Variants in GAS7 observed in about 807,000 individuals in gnomAD.
GAS7 encodes growth arrest specific 7.
A neutral mutation model predicts 71.1 loss-of-function variants in GAS7; 28 were observed. The observed-to-expected ratio is 0.39, with a 90% CI of 0.29 to 0.54. The LOEUF (loss-of-function observed/expected upper bound fraction) is 0.54. Among genes scored for constraint, GAS7 ranks in the 20% least tolerant of loss-of-function variants. The probability of loss-of-function intolerance (pLI) is 0.62; values close to 1 mark genes in which losing one functional copy is unlikely to be tolerated. For synonymous variants in GAS7, 258 were observed against 245.8 expected, an observed-to-expected ratio of 1.05 and a Z score of -0.46; for missense variants, 436 against 627.8, an observed-to-expected ratio of 0.69 and a Z score of 3.27.
chr17:10,032,700 G>C (rs1480028413), intron 1 of GAS7, among the ~76,000 whole-genome samples: 1 of 152,196 alleles, frequency 6.6e-6, no homozygotes, highest in African/African-American at 2.4e-5. Context: ...GACGACAGAG[G>C]CCTGACAAGA....
intron 1 of GAS7, among the ~76,000 whole-genome samples, chr17:10,112,591 C>T (rs1010064006): frequency 2.0e-5 from 3 of 151,852 alleles, no homozygotes; most frequent in Non-Finnish European, 4.4e-5. Context: ...CAAAATTAGC[C>T]GGGCATGGTG....
chr17:10,034,310 T>A lies in GAS7; in HGVS notation c.184-14413A>T. 1.5e-6 allele frequency: 1 copy of A among 676,564 alleles called. No homozygotes were observed. The highest frequency in any genetic ancestry group is 1.8e-6 in the Non-Finnish European group (1 of 553,382). 41.9% of individuals were successfully genotyped at this position (676,564 alleles called of 1,614,324 possible). A position where few individuals can be genotyped will look rare whatever the true frequency, so the allele number is the denominator to read the frequency against. ...TACATATATATAGCCTAATACTTAA[T>A]AATTCTTTTTTTTTTTTTTAGACAG... On this transcript the variant is annotated intron_variant, in intron 1 of 13. Coordinates refer to ENST00000432992, the MANE Select transcript of GAS7 (RefSeq NM_201433.2). The surrounding 1 kb of genome is among the most constrained non-coding windows in gnomAD (Gnocchi z 4.4).
intron 1 of GAS7, among the ~76,000 whole-genome samples, chr17:10,060,000 C>G (rs957885835): frequency 1.3e-5 from 2 of 152,142 alleles, no homozygotes; most frequent in Admixed American, 6.6e-5. Context: ...AGTGCCTGGT[C>G]CTGATGAACC....
intron 2 of GAS7, among the ~76,000 whole-genome samples, chr17:9,985,813 G>A (rs541067716): frequency 6.6e-6 from 1 of 152,332 alleles, no homozygotes; most frequent in South Asian, 2.1e-4. Context: ...GCCCCTCCCA[G>A]CTCAGAGCTC....
rs954826471 is a variant in GAS7 at position 9,912,180 on chromosome 17, C to CT, written c.*5047dup. ...CTCATTCTTAACAGCTCATAAAACT[C>CT]TTAATTTTAGCTCCATTTGAATCTA... On this transcript the variant is annotated 3_prime_UTR_variant, in exon 14 of 14. Coordinates refer to ENST00000432992, the MANE Select transcript of GAS7 (RefSeq NM_201433.2). 5 of 232,556 alleles carry CT rather than the reference C, an allele frequency of 2.2e-5. No homozygotes were observed. The highest frequency in any genetic ancestry group is 1.1e-4 in the African/African-American group (5 of 45,312). The allele number at this position is 232,556 out of a possible 1,614,324, so 14.4% of individuals were successfully genotyped here. A position where few individuals can be genotyped will look rare whatever the true frequency, so the allele number is the denominator to read the frequency against.
chr17:10,035,462 T>C (rs2072725678), intron 1 of GAS7, among the ~76,000 whole-genome samples: 1 of 152,112 alleles, frequency 6.6e-6, no homozygotes, highest in South Asian at 2.1e-4. Flanking sequence ...CGGTCCTAGG[T>C]CAACTAACCC....
intron 1 of GAS7, among the ~76,000 whole-genome samples, chr17:10,162,229 G>A (rs773758822): frequency 2.2e-4 from 12 of 54,042 alleles, no homozygotes; most frequent in Non-Finnish European, 3.5e-4. Context: ...CTGACAGCCC[G>A]GCCTGAAGAA....
chr17:10,167,862 C>A (rs1047758611), intron 1 of GAS7, among the ~76,000 whole-genome samples: 2 of 152,096 alleles, frequency 1.3e-5, no homozygotes, highest in Non-Finnish European at 2.9e-5. Context: ...CCATGCCTGG[C>A]TGACATTTGT....
In GAS7 at chr17:9,953,485, C is replaced by A. The variant is rs150600992; in HGVS notation, c.525+5717G>T. Among the ~76,000 whole-genome samples the A allele has an allele frequency of 9.1e-3, 1,384 of 152,322 alleles. 75 individuals carry two copies. The highest frequency in any genetic ancestry group is 0.077 in the Admixed American group (1,182 of 15,296). ...CCTGACTCAGGCACCCTCTTTAGGG[C>A]TTTGCATGTATTCTCATTTCATCTT... On this transcript the variant is annotated intron_variant, in intron 5 of 13. Transcript: ENST00000432992.
In GAS7 at chr17:9,919,561, A is replaced by C. The variant is rs2067718868; in HGVS notation, c.1218+65T>G. The C allele has an allele frequency of 4.2e-6, 5 of 1,204,178 alleles. No homozygotes were observed. The highest frequency in any genetic ancestry group is 1.2e-5 in the South Asian group (1 of 83,014). 74.6% of individuals were successfully genotyped at this position (1,204,178 alleles called of 1,614,324 possible). ...CCCCATCATCCCCGCGCCCACCAAC[A>C]ACCACCAGGGGCTGCTCTGTGTCAG... On this transcript the variant is annotated intron_variant, in intron 12 of 13. Transcript: ENST00000432992. This position sits in a 1 kb window ranked among gnomAD's most constrained non-coding sequence, Gnocchi z 5.0.
Position 9,981,688 on chromosome 17 carries a change from T to C in GAS7, c.385+116A>G, listed in dbSNP as rs2070415672. 1.4e-6 allele frequency: 1 copy of C among 696,844 alleles called. No homozygotes were observed. Among genetic ancestry groups the C allele is most frequent in the South Asian group, 1.7e-5 (1 of 59,220 alleles). The allele number at this position is 696,844 out of a possible 1,614,324, so 43.2% of individuals were successfully genotyped here. On this transcript the variant is annotated intron_variant, in intron 3 of 13. Coordinates refer to ENST00000432992, the MANE Select transcript of GAS7 (RefSeq NM_201433.2). The surrounding 1 kb of genome is among the most constrained non-coding windows in gnomAD (Gnocchi z 4.4). ...GGGACCCTCTCCCAGGCCCAACCCC[T>C]CCCTGGGTTTGCTACATCAGCCAGG...
chr17:10,076,690 A>C (rs1381335465), intron 1 of GAS7, among the ~76,000 whole-genome samples: 1 of 152,186 alleles, frequency 6.6e-6, no homozygotes, highest in South Asian at 2.1e-4. Context: ...AACATGCCAG[A>C]TTGTTATACT....
rs1005257696 is a variant in GAS7, at chr17:10,103,688, T to G, written c.184-83791A>C. On this transcript the variant is annotated intron_variant, in intron 1 of 13. Transcript: ENST00000432992. The surrounding 1 kb of genome is among the most constrained non-coding windows in gnomAD (Gnocchi z 5.5). The stretch of plus-strand genomic sequence containing the variant: ...CAAAAATACAAAAATTAGCTGGGTG[T>G]GGTGGCACATGCCTGTAATCCCGGC... 1.3e-5 allele frequency among the ~76,000 whole-genome samples: 2 copies of G among 151,956 alleles called. No homozygotes were observed. The highest frequency in any genetic ancestry group is 2.9e-5 in the Non-Finnish European group (2 of 68,002).
intron 1 of GAS7, among the ~76,000 whole-genome samples, chr17:10,136,419 G>A (rs911840388): frequency 6.6e-5 from 10 of 152,196 alleles, no homozygotes; most frequent in African/African-American, 2.4e-4. Context: ...CCGCATCAAC[G>A]GTGCTGTGGA....
intron 1 of GAS7, among the ~76,000 whole-genome samples, chr17:10,134,155 C>A (rs911166794): frequency 6.6e-6 from 1 of 152,164 alleles, no homozygotes; most frequent in Non-Finnish European, 1.5e-5. Context: ...TTCAGCCTCC[C>A]GAGTAGCTGG....
intron 3 of GAS7, among the ~76,000 whole-genome samples, chr17:9,972,792 T>C (rs765339463): frequency 3.9e-4 from 59 of 152,074 alleles, no homozygotes; most frequent in Non-Finnish European, 7.4e-4. Context: ...CCTAAACACT[T>C]AGAAATGTAA....
intron 1 of GAS7, among the ~76,000 whole-genome samples, chr17:10,087,342 A>T (rs370898415): frequency 1.3e-5 from 2 of 152,304 alleles, no homozygotes; most frequent in African/African-American, 2.4e-5. Flanking sequence ...GATCAACACC[A>T]ACTCAGTAGC....
chr17:9,986,039 A>G (rs2070635367), intron 2 of GAS7, among the ~76,000 whole-genome samples: 1 of 152,240 alleles, frequency 6.6e-6, no homozygotes, highest in Non-Finnish European at 1.5e-5. Context: ...CAGACAGCTC[A>G]GATCCTAACC....
chr17:9,994,064 A>G (rs1345535025), intron 2 of GAS7, among the ~76,000 whole-genome samples: 2 of 145,024 alleles, frequency 1.4e-5, no homozygotes, highest in African/African-American at 5.1e-5. Flanking sequence ...TTCCATGCTC[A>G]TGGGTAGGAA....
Sources: gnomAD v4.1 joint callset for allele counts (sites outside exome capture counted in the v4.1 genomes callset) on GRCh38, gnomAD v4.1.1 for gene constraint, Gnocchi (gnomAD v3.1) non-coding constraint, MANE v1.5 for transcripts, NCBI Gene and HGNC (gene_info 2026-07-23, HGNC 2026-07-21) for gene names.